Variants in DAG1 observed in about 807,000 individuals in gnomAD.
DAG1 encodes dystroglycan 1 (dystrophin-associated glycoprotein 1).
A neutral mutation model predicts 46.1 loss-of-function variants in DAG1; 8 were observed. The observed-to-expected ratio is 0.17, with a 90% CI of 0.10 to 0.31. DAG1 has a LOEUF of 0.31. DAG1 is among the 10% of genes least tolerant of loss of function. The pLI is 1.00. For missense variants in DAG1, 1,003 were observed against 1,189.9 expected (o/e 0.84, Z 2.31); for synonymous variants, 495 against 481.8 (o/e 1.03, Z -0.36).
chr3:49,517,062 C>T (rs1013173148), intron 2 of DAG1, among the ~76,000 whole-genome samples: 40 of 145,632 alleles, frequency 2.7e-4, no homozygotes, highest in African/African-American at 4.3e-4. Flanking sequence ...GGTGCTATCT[C>T]GGCTCACTGC....
intron 1 of DAG1, among the ~76,000 whole-genome samples, chr3:49,502,636 T>G (rs1331429127): frequency 7.7e-6 from 1 of 129,130 alleles, no homozygotes. Context: ...ATCTTTAACT[T>G]TCTTTTTTTT....
At chr3:49,473,639 G>A (rs2106779776) in intron 1 of DAG1, among the ~76,000 whole-genome samples, 1 of 150,852 alleles carries the variant, frequency 6.6e-6, no homozygotes. Flanking sequence ...CTGGAATAAA[G>A]TGGCGTGATC....
At chr3:49,485,725 G>C (rs1173940666) in intron 1 of DAG1, among the ~76,000 whole-genome samples, 1 of 136,648 alleles carries the variant, frequency 7.3e-6, no homozygotes, top group Non-Finnish European at 1.5e-5. Flanking sequence ...GCAGTGGCAT[G>C]ATCATGGCTC....
chr3:49,502,423 A>C lies in DAG1; in HGVS notation c.-116-7996A>C, dbSNP rs558246783. On this transcript the variant is annotated intron_variant, in intron 1 of 2. Transcript: ENST00000308775. ...ATTGCTGGTGAGCCTGTGGTGGGCA[A>C]AAGTGACCCAGCCATCTACTGATGG... 2.0e-5 allele frequency among the ~76,000 whole-genome samples: 3 copies of C among 152,222 alleles called. No individual in the cohort carries two copies. In the South Asian group the frequency reaches 6.2e-4, roughly 32 times the overall value.
chr3:49,507,431 T>C lies in DAG1; in HGVS notation c.-116-2988T>C, dbSNP rs377044655. On this transcript the variant is annotated intron_variant, in intron 1 of 2. Coordinates refer to ENST00000308775, the MANE Select transcript of DAG1 (RefSeq NM_004393.6). The stretch of plus-strand genomic sequence containing the variant: ...TACAAAAATTAGCTGGGCGTAGTGG[T>C]GGGAGCCTGTAATCCCAGCTACTTG... 1.6e-4 allele frequency among the ~76,000 whole-genome samples: 24 copies of C among 152,020 alleles called. 1 individual carries two copies. The Middle Eastern group carries it at 0.01, about 65-fold the overall frequency.
intron 1 of DAG1, among the ~76,000 whole-genome samples, chr3:49,497,682 C>T (rs7637999): frequency 0.42 from 63,416 of 151,958 alleles, 14,888 homozygotes; most frequent in East Asian, 0.93. Flanking sequence ...AAAACTTAAC[C>T]ATCTTCAAAG....
At chr3:49,479,805 T>A (rs566153992) in intron 1 of DAG1, among the ~76,000 whole-genome samples, 1 of 142,998 alleles carries the variant, frequency 7.0e-6, no homozygotes, top group East Asian at 2.0e-4. Context: ...ACCCGGCTAA[T>A]TTTTTTTTGT....
At chr3:49,469,745 T>G (rs965825821), upstream of DAG1, among the ~76,000 whole-genome samples, 3 of 152,188 alleles carry the variant, frequency 2.0e-5, no homozygotes, top group Admixed American at 1.3e-4. Context: ...CCTTTGCAAT[T>G]GAGAGAACGC....
Position 49,531,039 on chromosome 3 carries a change from G to C in DAG1, c.528G>C (p.Glu176Asp). Residue 176 changes from glutamate (E) to aspartate (D), a missense_variant, in exon 3 of 3, where the codon GAG (glutamate) becomes GAC (aspartate). Glu to Asp is a conservative substitution (Grantham distance 45). This residue lies in a region of DAG1 where 196 missense variants were observed against 239.1 expected (regional missense o/e 0.82). Coordinates refer to ENST00000308775, the MANE Select transcript of DAG1 (RefSeq NM_004393.6). This position sits in a 1 kb window ranked among gnomAD's most constrained non-coding sequence, Gnocchi z 7.0. ...GGACAGCCTCCCCAGACCCTGGTGA[G>C]GTGGTATCATCTGCCTGTGCTGCGG... Reference protein sequence around the residue: ...SVRTASPDPGEVVSSACAADE... With the variant: ...SVRTASPDPGDVVSSACAADE... 2 of 1,614,210 alleles carry C rather than the reference G, an allele frequency of 1.2e-6. No individual in the cohort carries two copies. The highest frequency in any genetic ancestry group is 1.7e-6 in the Non-Finnish European group (2 of 1,180,034).
chr3:49,500,930 A>G (rs1017284650), intron 1 of DAG1, among the ~76,000 whole-genome samples: 12 of 152,226 alleles, frequency 7.9e-5, no homozygotes, highest in Admixed American at 5.2e-4. Context: ...AAAAACTTCC[A>G]GAGGGACATT....
At chr3:49,478,508 G>A (rs2106928200) in intron 1 of DAG1, among the ~76,000 whole-genome samples, 1 of 145,442 alleles carries the variant, frequency 6.9e-6, no homozygotes, top group Non-Finnish European at 1.5e-5. Context: ...TGAGGTGGGG[G>A]CATCTTTTGA....
At chr3:49,491,793 A>T (rs1436468303) in intron 1 of DAG1, among the ~76,000 whole-genome samples, 1 of 150,958 alleles carries the variant, frequency 6.6e-6, no homozygotes, top group African/African-American at 2.4e-5. Context: ...CTATTTTTGT[A>T]TTTTTAGTAG....
Position 49,532,485 on chromosome 3 carries a change from A to C in DAG1, c.1974A>C (p.Glu658Asp), listed in dbSNP as rs1383264986. ...QNITRGSIVV[E>D]WTNNTLPLEP... Reference sequence around the variant, plus strand: ...TCACCCGGGGCTCCATCGTGGTGGAATGGACCAACAACACACTGCCCTTGG... The same window carrying C: ...TCACCCGGGGCTCCATCGTGGTGGACTGGACCAACAACACACTGCCCTTGG... Residue 658 changes from glutamate (E) to aspartate (D), a missense_variant, in exon 3 of 3, where the codon GAA becomes GAC. Transcript: ENST00000308775. The surrounding 1 kb of genome is among the most constrained non-coding windows in gnomAD (Gnocchi z 5.4). 6.2e-7 allele frequency: 1 copy of C among 1,614,040 alleles called. No individual in the cohort carries two copies. The highest frequency in any genetic ancestry group is 1.3e-5 in the African/African-American group (1 of 74,934).
rs2051415518 is a variant in DAG1 at position 49,533,142 on chromosome 3, C to T, written c.2631C>T (p.Gly877=). Residue 877 remains glycine (G), a synonymous_variant, in exon 3 of 3, where the codon GGC becomes GGT. Coordinates refer to ENST00000308775, the MANE Select transcript of DAG1 (RefSeq NM_004393.6). ...PPFTAPMEGK[G]SRPKNMTPYR... ...TCACAGCACCCATGGAGGGCAAGGG[C>T]TCCCGTCCCAAGAACATGACCCCAT... 6.2e-7 allele frequency: 1 copy of T among 1,614,160 alleles called. No homozygotes were observed. The highest frequency in any genetic ancestry group is 1.3e-5 in the African/African-American group (1 of 75,060).
chr3:49,503,327 G>C (rs568073935), intron 1 of DAG1, among the ~76,000 whole-genome samples: 3 of 152,272 alleles, frequency 2.0e-5, no homozygotes, highest in Admixed American at 1.3e-4. Flanking sequence ...TGGTAAGGTT[G>C]AGCATCCTTT....
Position 49,479,745 on chromosome 3 carries a change from C to G in DAG1, c.-117+9312C>G, listed in dbSNP as rs1324820100. ...CTCCGCCTCCTGGGTTCAATTGATT[C>G]TCCTGCCTCAGCATCCTGAGTAGCT... On this transcript the variant is annotated intron_variant, in intron 1 of 2. Transcript: ENST00000308775. Among the ~76,000 whole-genome samples, 9 of 140,990 alleles carry G rather than the reference C, an allele frequency of 6.4e-5. No individual in the cohort carries two copies. The South Asian group carries it at 2.0e-3, about 31-fold the overall frequency. 92.5% of individuals were successfully genotyped at this position (140,990 alleles called of 152,430 possible). A position where few individuals can be genotyped will look rare whatever the true frequency, so the allele number is the denominator to read the frequency against.
At chr3:49,520,647 C>G (rs1164760141) in intron 2 of DAG1, among the ~76,000 whole-genome samples, 3 of 152,178 alleles carry the variant, frequency 2.0e-5, no homozygotes, top group African/African-American at 7.2e-5. Context: ...AAGGGCCCAG[C>G]CCACACCTTA....
At chr3:49,487,692 CTTTTTTTTT>C (rs10686005) in intron 1 of DAG1, among the ~76,000 whole-genome samples, 2 of 105,718 alleles carry the variant, frequency 1.9e-5, no homozygotes, top group Non-Finnish European at 1.8e-5. Context: ...CCCATACATT[CTTTTTTTTT>C]TTTTTTTTTT....
intron 1 of DAG1, 96 bp from the exon 2 acceptor site, chr3:49,510,323 C>T (rs769645006): frequency 5.7e-5 from 35 of 610,536 alleles, no homozygotes; most frequent in South Asian, 2.2e-4. Flanking sequence ...TGATCCAACT[C>T]GGGGTAGATG....
Sources: gnomAD v4.1 joint callset for allele counts (sites outside exome capture counted in the v4.1 genomes callset) on GRCh38, gnomAD v4.1.1 for gene constraint, gnomAD v4.1.1 regional missense constraint, Gnocchi (gnomAD v3.1) non-coding constraint, MANE v1.5 for transcripts, NCBI Gene and HGNC (gene_info 2026-07-23, HGNC 2026-07-21) for gene names.